Variants in PHC2 observed in about 807,000 individuals in gnomAD.
PHC2 encodes polyhomeotic homolog 2, also known as polyhomeotic-like protein 2.
In PHC2, 29 loss-of-function variants were observed where a neutral mutation model predicts 87.4. That is an observed-to-expected ratio of 0.33 (90% CI 0.25 to 0.45). PHC2 has a LOEUF of 0.45. Among genes scored for constraint, PHC2 ranks in the 20% least tolerant of loss-of-function variants. The probability of loss-of-function intolerance (pLI) is 1.00; values close to 1 mark genes in which losing one functional copy is unlikely to be tolerated. For missense variants in PHC2, 857 were observed against 1,136.7 expected (o/e 0.75, Z 3.54); for synonymous variants, 438 against 461.7 (o/e 0.95, Z 0.66).
At chr1:33,415,261 G>A (rs1650156836) in intron 1 of PHC2, among the ~76,000 whole-genome samples, 1 of 152,180 alleles carries the variant, frequency 6.6e-6, no homozygotes, top group African/African-American at 2.4e-5. Context: ...GCACATGCAT[G>A]ATAGGAAACT....
At position 33,349,952 on chromosome 1, in the gene PHC2, A is replaced by G. The variant is rs1185881765; in HGVS notation, c.1558+4449T>C. The G allele has an allele frequency of 1.9e-5, 4 of 208,408 alleles. No homozygotes were observed. Among genetic ancestry groups the G allele is most frequent in the Non-Finnish European group, 2.8e-5 (4 of 141,322 alleles). 12.9% of individuals were successfully genotyped at this position (208,408 alleles called of 1,614,324 possible). A position where few individuals can be genotyped will look rare whatever the true frequency, so the allele number is the denominator to read the frequency against. ...GCCTCCGCCGGGGGCGGGGCGAGGGAGCGGGGCGGGGAGGGGCGGGGCCGC... is the reference window on the plus strand; with the variant it reads ...GCCTCCGCCGGGGGCGGGGCGAGGGGGCGGGGCGGGGAGGGGCGGGGCCGC... On this transcript the variant is annotated intron_variant, in intron 9 of 14. Coordinates refer to ENST00000683057, the MANE Select transcript of PHC2 (RefSeq NM_001385109.1). The surrounding 1 kb of genome is among the most constrained non-coding windows in gnomAD (Gnocchi z 4.2).
chr1:33,325,147 C>T (rs1405872518), intron 14 of PHC2, 128 bp from the exon 15 acceptor site: 1 of 926,496 alleles, frequency 1.1e-6, no homozygotes, highest in Non-Finnish European at 1.6e-6. Flanking sequence ...ATAACCACGC[C>T]TTGAGGAAGG....
In PHC2 at chr1:33,364,942, A is replaced by G. The variant is rs958918859; in HGVS notation, c.976+2174T>C. Among the ~76,000 whole-genome samples the G allele has an allele frequency of 6.6e-6, 1 of 152,168 alleles. No homozygotes were observed. Among genetic ancestry groups the G allele is most frequent in the Non-Finnish European group, 1.5e-5 (1 of 68,032 alleles). On this transcript the variant is annotated intron_variant, in intron 7 of 14. Transcript: ENST00000683057. This position sits in a 1 kb window ranked among gnomAD's most constrained non-coding sequence, Gnocchi z 4.1. ...ACATGGGGTCTCCACCAGACTCTGC[A>G]AACCCTCAATAGGCTTAGACCCCCC...
intron 9 of PHC2, among the ~76,000 whole-genome samples, chr1:33,344,754 C>T (rs1217925795): frequency 6.6e-6 from 1 of 152,098 alleles, no homozygotes; most frequent in Non-Finnish European, 1.5e-5. Flanking sequence ...CAGGCGTGTG[C>T]CACTATGCCC....
intron 9 of PHC2, among the ~76,000 whole-genome samples, chr1:33,340,893 G>A (rs1455260671): frequency 6.9e-6 from 1 of 144,968 alleles, no homozygotes; most frequent in African/African-American, 2.5e-5. Flanking sequence ...TAAACAGATT[G>A]CTTTCCTCCC....
rs780160242 is a variant in PHC2, at chr1:33,329,109, A to C, written c.2186T>G (p.Leu729Trp). Reference sequence around the variant, plus strand: ...GTCTTCCTGGCTGTGTGTTAGCTGCAAAGCAGCAGTAACCGAAAGGGGCAC... The same window carrying C: ...GTCTTCCTGGCTGTGTGTTAGCTGCCAAGCAGCAGTAACCGAAAGGGGCAC... Reference protein sequence around the residue: ...GTVPLSVTAALQLTHSQEDSS... With the variant: ...GTVPLSVTAAWQLTHSQEDSS... The change falls in exon 14 of 15, where the codon TTG (leucine) becomes TGG (tryptophan). Residue 729 changes from leucine (L) to tryptophan (W), a missense_variant. Leu to Trp is a moderately conservative substitution (Grantham distance 61). Around this residue, in one of 3 missense-constraint regions of PHC2, gnomAD observed 832 missense variants for 1,081.8 expected, o/e 0.77. Coordinates refer to ENST00000683057, the MANE Select transcript of PHC2 (RefSeq NM_001385109.1). The C allele has an allele frequency of 1.2e-6, 2 of 1,614,178 alleles. No homozygotes were observed. Among genetic ancestry groups the C allele is most frequent in the Non-Finnish European group, 8.5e-7 (1 of 1,180,032 alleles).
At chr1:33,415,293 G>T (rs779387912) in intron 1 of PHC2, among the ~76,000 whole-genome samples, 12 of 152,188 alleles carry the variant, frequency 7.9e-5, no homozygotes, top group Non-Finnish European at 1.5e-4. Flanking sequence ...CTGGAAGGGA[G>T]CAGGCAGAAC....
intron 14 of PHC2, 103 bp from the exon 15 acceptor site, chr1:33,325,122 T>C: frequency 8.7e-7 from 1 of 1,148,642 alleles, no homozygotes; most frequent in Non-Finnish European, 1.2e-6. Context: ...GCATCCATTA[T>C]TTCTTTTAGT....
At chr1:33,412,594 C>T (rs1023490745) in intron 1 of PHC2, among the ~76,000 whole-genome samples, 5 of 152,308 alleles carry the variant, frequency 3.3e-5, no homozygotes, top group Non-Finnish European at 2.9e-5. Flanking sequence ...AATCCTTGCA[C>T]AGGCCAGCAC....
chr1:33,410,148 A>G (rs544091584), intron 1 of PHC2, among the ~76,000 whole-genome samples: 1 of 152,218 alleles, frequency 6.6e-6, no homozygotes, highest in Non-Finnish European at 1.5e-5. Context: ...TGGAATTTCC[A>G]GGAAAAACAT....
chr1:33,372,706 A>G (rs1647933310), intron 2 of PHC2, among the ~76,000 whole-genome samples: 4 of 152,200 alleles, frequency 2.6e-5, no homozygotes, highest in Admixed American at 1.3e-4. Context: ...TCCTGCATCA[A>G]CTGCCTCGGT....
intron 9 of PHC2, among the ~76,000 whole-genome samples, chr1:33,352,816 AG>A (rs1329699075): frequency 2.6e-5 from 4 of 152,194 alleles, no homozygotes; most frequent in Non-Finnish European, 5.9e-5. Context: ...TGACTACCGT[AG>A]GAGTCAGAGT....
At position 33,330,138 on chromosome 1, in the gene PHC2, G is replaced by A. The variant is rs765062816; in HGVS notation, c.2081C>T (p.Ala694Val). 6.8e-6 allele frequency: 11 copies of A among 1,614,176 alleles called. No individual in the cohort carries two copies. Among genetic ancestry groups the A allele is most frequent in the East Asian group, 4.5e-5 (2 of 44,884 alleles). ...DRSKLQKAGA[A>V]THNRRRASKA... ...GCTGGCCCGACGGCGGTTGTGGGTC[G>A]CAGCTCCTGCCTTCTGCAGCTTGCT... Residue 694 changes from alanine (A) to valine (V), a missense_variant, in exon 13 of 15, where the codon GCG (alanine) becomes GTG (valine). Ala to Val is a moderately conservative substitution (Grantham distance 64). Coordinates refer to ENST00000683057, the MANE Select transcript of PHC2 (RefSeq NM_001385109.1).
intron 1 of PHC2, among the ~76,000 whole-genome samples, chr1:33,426,913 A>G (rs897145301): frequency 5.3e-5 from 8 of 152,220 alleles, no homozygotes; most frequent in African/African-American, 1.9e-4. Flanking sequence ...CCCCCTTGTT[A>G]AAAATCATTA....
At chr1:33,344,862 G>GC (rs1382355692) in intron 9 of PHC2, among the ~76,000 whole-genome samples, 1 of 151,864 alleles carries the variant, frequency 6.6e-6, no homozygotes, top group Non-Finnish European at 1.5e-5. Context: ...TCCTGCCTCG[G>GC]CCCCCCAGGC....
intron 1 of PHC2, among the ~76,000 whole-genome samples, chr1:33,423,289 G>C (rs1650503728): frequency 6.6e-6 from 1 of 152,124 alleles, no homozygotes; most frequent in Admixed American, 6.5e-5. Context: ...AAATAAAAGT[G>C]GGAAGAGAAG....
intron 1 of PHC2, among the ~76,000 whole-genome samples, chr1:33,403,963 T>C (rs928547293): frequency 6.6e-6 from 1 of 152,206 alleles, no homozygotes; most frequent in Non-Finnish European, 1.5e-5. Flanking sequence ...AACCCCATTT[T>C]TTCATATGCT....
intron 1 of PHC2, among the ~76,000 whole-genome samples, chr1:33,407,409 T>C (rs7516643): frequency 0.72 from 108,669 of 151,732 alleles, 39,678 homozygotes; most frequent in African/African-American, 0.86. Flanking sequence ...AATGATTTTT[T>C]TTTGATTCTG....
In PHC2 at chr1:33,331,033, TA is replaced by T. The variant is rs1646483545; in HGVS notation, c.2006+314del. On this transcript the variant is annotated intron_variant, in intron 12 of 14. Transcript: ENST00000683057. The surrounding 1 kb of genome is among the most constrained non-coding windows in gnomAD (Gnocchi z 5.2). Reference sequence around the variant, plus strand: ...GGAACACTATAGCTGTGGTTCTGGGTAAGGCTTACCCTAACAAGGCAGGGGC... The same window carrying T: ...GGAACACTATAGCTGTGGTTCTGGGTAGGCTTACCCTAACAAGGCAGGGGC... 1.3e-5 allele frequency among the ~76,000 whole-genome samples: 2 copies of T among 152,156 alleles called. No individual in the cohort carries two copies. Among genetic ancestry groups the T allele is most frequent in the Non-Finnish European group, 2.9e-5 (2 of 68,012 alleles).
Sources: allele counts gnomAD v4.1 joint callset (sites outside exome capture counted in the v4.1 genomes callset), GRCh38; gene constraint gnomAD v4.1.1; regional missense constraint gnomAD v4.1.1; non-coding constraint Gnocchi (gnomAD v3.1); transcripts MANE v1.5; gene names NCBI Gene and HGNC (gene_info 2026-07-23, HGNC 2026-07-21).